The following PPP2R1B variants were observed in gnomAD, a reference collection of about 807,000 sequenced individuals.
The protein encoded by PPP2R1B is serine/threonine-protein phosphatase 2A 65 kDa regulatory subunit A beta isoform.
Under a neutral mutation model 72.7 loss-of-function variants are expected in PPP2R1B, and 58 were observed. The ratio of observed to expected loss-of-function variants is 0.80; its 90% CI spans 0.65 to 0.99. PPP2R1B has a LOEUF of 0.99. PPP2R1B is among the 50% of genes least tolerant of loss of function. The pLI, the probability that PPP2R1B is intolerant of heterozygous loss-of-function variation, is 0.00. For missense variants in PPP2R1B, 695 were observed against 733.6 expected, an observed-to-expected ratio of 0.95 and a Z score of 0.61; for synonymous variants, 256 against 264.6, an observed-to-expected ratio of 0.97 and a Z score of 0.32.
the PPP2R1B span, among the ~76,000 whole-genome samples, chr11:111,719,555 G>A: frequency 7.2e-4 from 110 of 152,174 alleles, no homozygotes; most frequent in Admixed American, 3.2e-3. Flanking sequence ...GGGCAGCAGT[G>A]CCAGTTTGGG....
At chr11:111,707,207 G>A in the PPP2R1B span, among the ~76,000 whole-genome samples, 4 of 152,188 alleles carry the variant, frequency 2.6e-5, no homozygotes, top group African/African-American at 9.7e-5. Context: ...GGGCCAGCAG[G>A]CTTTCCCTGC....
At chr11:111,694,643 T>C in the PPP2R1B span, among the ~76,000 whole-genome samples, 1 of 152,234 alleles carries the variant, frequency 6.6e-6, no homozygotes, top group African/African-American at 2.4e-5. Context: ...TTATTGTAAG[T>C]CTTCCATTTG....
downstream of PPP2R1B, chr11:111,737,794 C>T (rs1027472364): frequency 2.7e-5 from 35 of 1,310,988 alleles, no homozygotes; most frequent in Non-Finnish European, 3.2e-5. Context: ...CCCCATCGGG[C>T]CTTTTGGTGT....
chr11:111,765,482 G>T (rs868909661), intron 1 of PPP2R1B, 98 bp from the exon 2 acceptor site: 1 of 951,920 alleles, frequency 1.1e-6, no homozygotes, highest in South Asian at 1.5e-5. Context: ...TGACACAGGG[G>T]TAAGAATGAA....
intron 15 of PPP2R1B, among the ~76,000 whole-genome samples, chr11:111,732,185 G>A (rs765847466): frequency 6.6e-5 from 10 of 152,230 alleles, no homozygotes; most frequent in Non-Finnish European, 1.5e-4. Flanking sequence ...TTCTGTTCCT[G>A]GCGAGCAGCT....
the PPP2R1B span, among the ~76,000 whole-genome samples, chr11:111,711,852 T>G: frequency 6.6e-6 from 1 of 152,210 alleles, no homozygotes; most frequent in Non-Finnish European, 1.5e-5. Flanking sequence ...TTTCTATTCT[T>G]TATCTGTCTG....
rs1555052684 is a variant in PPP2R1B, at chr11:111,765,321, G to C, written c.178C>G (p.Arg60Gly). The C allele has an allele frequency of 1.2e-6, 2 of 1,613,064 alleles. No individual in the cohort carries two copies. The highest frequency in any genetic ancestry group is 2.2e-5 in the South Asian group (2 of 91,036). The change falls in exon 2 of 15, where the codon CGA becomes GGA. Residue 60 changes from arginine (R) to glycine (G), a missense_variant. Arg to Gly is a moderately radical substitution (Grantham distance 125, BLOSUM62 -2). Coordinates refer to ENST00000527614, the MANE Select transcript of PPP2R1B (RefSeq NM_002716.5). Reference protein sequence around the residue: ...IALALGVERTRSELLPFLTDT... With the variant: ...IALALGVERTGSELLPFLTDT... ...GTAAGAAATGGCAACAATTCACTTC[G>C]GGTCCTTTCTACTCCAAGTGCTAGG...
In PPP2R1B at chr11:111,739,673, G is replaced by C. The variant is rs1030982192; in HGVS notation, c.*1923C>G. On this transcript the variant is annotated 3_prime_UTR_variant, in exon 15 of 15. Coordinates refer to ENST00000527614, the MANE Select transcript of PPP2R1B (RefSeq NM_002716.5). Reference sequence around the variant, plus strand: ...CATTTCCAACCAGAGTAAAGCAATGGTTCCAGTGCAAATCTGCTTCATGAA... The same window carrying C: ...CATTTCCAACCAGAGTAAAGCAATGCTTCCAGTGCAAATCTGCTTCATGAA... The C allele has an allele frequency of 3.0e-5, 30 of 985,306 alleles. No individual in the cohort carries two copies. Among genetic ancestry groups the C allele is most frequent in the African/African-American group, 5.2e-5 (3 of 57,230 alleles). The allele number at this position is 985,306 out of a possible 1,614,324, so 61.0% of individuals were successfully genotyped here. A position where few individuals can be genotyped will look rare whatever the true frequency, so the allele number is the denominator to read the frequency against.
downstream of PPP2R1B, chr11:111,723,764 T>C (rs1404282884): frequency 6.2e-7 from 1 of 1,614,018 alleles, no homozygotes; most frequent in Non-Finnish European, 8.5e-7. Context: ...GCCCTCCACT[T>C]CCGGTCCCCG....
chr11:111,719,717 T>C, the PPP2R1B span: 1 of 1,527,414 alleles, frequency 6.5e-7, no homozygotes, highest in Non-Finnish European at 8.9e-7. Context: ...TTTTCCTTTG[T>C]GGATTTTTCT....
At position 111,741,186 on chromosome 11, in the gene PPP2R1B, T is replaced by C; in HGVS notation, c.*410A>G. ...TAAACATGTACATTTAGCTTTGGAATGATGGAGAGACACAGAGATATATGT... is the reference window on the plus strand; with the variant it reads ...TAAACATGTACATTTAGCTTTGGAACGATGGAGAGACACAGAGATATATGT... On this transcript the variant is annotated 3_prime_UTR_variant, in exon 15 of 15. Transcript: ENST00000527614. 1 of 1,000,098 alleles carries C rather than the reference T, an allele frequency of 1.0e-6. No individual in the cohort carries two copies. The highest frequency in any genetic ancestry group is 1.2e-6 in the Non-Finnish European group (1 of 839,224). The allele number at this position is 1,000,098 out of a possible 1,614,324, so 62.0% of individuals were successfully genotyped here. A position where few individuals can be genotyped will look rare whatever the true frequency, so the allele number is the denominator to read the frequency against.
At chr11:111,733,334 GTGGA>G (rs1191454516), downstream of PPP2R1B, among the ~76,000 whole-genome samples, 1 of 152,144 alleles carries the variant, frequency 6.6e-6, no homozygotes, top group African/African-American at 2.4e-5. Context: ...GTCTGGGAGG[GTGGA>G]GACAGGAGGG....
downstream of PPP2R1B, chr11:111,737,873 C>A: frequency 8.3e-7 from 1 of 1,198,600 alleles, no homozygotes. Flanking sequence ...AAAGACCTGG[C>A]TCCTTTCAGA....
chr11:111,689,295 A>G, the PPP2R1B span, among the ~76,000 whole-genome samples: 17 of 152,180 alleles, frequency 1.1e-4, no homozygotes, highest in African/African-American at 4.1e-4. Flanking sequence ...ATTATAGGGC[A>G]TGGGTAGGGG....
chr11:111,693,998 A>G, the PPP2R1B span, among the ~76,000 whole-genome samples: 4 of 152,326 alleles, frequency 2.6e-5, no homozygotes, highest in South Asian at 8.3e-4. Context: ...GGAGAGTGAT[A>G]AAAGTTCATA....
At chr11:111,695,194 C>T in the PPP2R1B span, among the ~76,000 whole-genome samples, 3 of 152,108 alleles carry the variant, frequency 2.0e-5, no homozygotes, top group African/African-American at 4.8e-5. Flanking sequence ...AACTCTTCAT[C>T]GAGGCTGGGT....
chr11:111,720,989 T>C, the PPP2R1B span: 20 of 1,614,060 alleles, frequency 1.2e-5, no homozygotes, highest in East Asian at 2.2e-5. Flanking sequence ...TATGAACAAA[T>C]AGGACCGGAG....
Position 111,762,680 on chromosome 11 carries a change from G to A in PPP2R1B, c.307-1629C>T, listed in dbSNP as rs901123262. ...TCTGCCTCAGCGTCCCGAATAGCTAGGACTCAGACACATGACATCATGCCC... is the reference window on the plus strand; with the variant it reads ...TCTGCCTCAGCGTCCCGAATAGCTAAGACTCAGACACATGACATCATGCCC... On this transcript the variant is annotated intron_variant, in intron 3 of 14. Transcript: ENST00000527614. Among the ~76,000 whole-genome samples, 3 of 151,778 alleles carry A rather than the reference G, an allele frequency of 2.0e-5. 1 individual carries two copies. The highest frequency in any genetic ancestry group is 4.2e-4 in the South Asian group (2 of 4,792).
At chr11:111,715,793 CTTTTTTTTTTTTT>C in the PPP2R1B span, among the ~76,000 whole-genome samples, 1 of 81,580 alleles carries the variant, frequency 1.2e-5, no homozygotes, top group Non-Finnish European at 2.2e-5. Flanking sequence ...TCATTTTTAG[CTTTTTTTTTTTTT>C]TTTTTTTTTT....
Sources: gnomAD v4.1 joint callset for allele counts (sites outside exome capture counted in the v4.1 genomes callset) on GRCh38, gnomAD v4.1.1 for gene constraint, MANE v1.5 for transcripts, NCBI Gene and HGNC (gene_info 2026-07-23, HGNC 2026-07-21) for gene names.